GAD1: variants seen among roughly 807,000 people sequenced by gnomAD.
GAD1 encodes 67 kDa glutamic acid decarboxylase.
GAD1 carries 35 observed loss-of-function variants against 75.2 expected under a neutral mutation model. That is an observed-to-expected ratio of 0.47 (90% CI 0.36 to 0.62). GAD1 has a LOEUF of 0.62. GAD1 is among the 20% of genes least tolerant of loss of function. GAD1 has a pLI of 0.00. For missense variants in GAD1, 490 were observed against 758.5 expected, an observed-to-expected ratio of 0.65 and a Z score of 4.16; for synonymous variants, 257 against 271.9, an observed-to-expected ratio of 0.95 and a Z score of 0.54.
intron 3 of GAD1, among the ~76,000 whole-genome samples, chr2:170,828,110 C>CA (rs71008726): frequency 7.1e-6 from 1 of 139,954 alleles, no homozygotes; most frequent in African/African-American, 2.7e-5. Context: ...CTGCTGTCCT[C>CA]CCTCTGCTGT....
At chr2:170,832,346 T>C (rs1392509753) in intron 5 of GAD1, among the ~76,000 whole-genome samples, 2 of 152,188 alleles carry the variant, frequency 1.3e-5, no homozygotes, top group Non-Finnish European at 2.9e-5. Context: ...TGTTGGCTTG[T>C]AGATGCATCG....
chr2:170,850,762 C>A (rs757678570), intron 12 of GAD1, among the ~76,000 whole-genome samples: 7 of 152,218 alleles, frequency 4.6e-5, no homozygotes, highest in Non-Finnish European at 8.8e-5. Flanking sequence ...GCCTGTAATC[C>A]CAGCACTTTG....
rs144316960 is a variant in GAD1 at position 170,842,198 on chromosome 2, C to T, written c.639-1847C>T. ...TCTGAAGCATGGAGTGGGACCTATG[C>T]CTGATATTCAGTCCCATTCCCTCTC... is the stretch of plus-strand genomic sequence containing the variant. On this transcript the variant is annotated intron_variant, in intron 6 of 16. Coordinates refer to ENST00000358196, the MANE Select transcript of GAD1 (RefSeq NM_000817.3). Among the ~76,000 whole-genome samples the T allele has an allele frequency of 9.8e-4, 149 of 152,268 alleles. 1 individual carries two copies. Among genetic ancestry groups the T allele is most frequent in the Admixed American group, 3.6e-3 (55 of 15,284 alleles).
chr2:170,820,477 C>T (rs1701844556), intron 2 of GAD1, among the ~76,000 whole-genome samples: 1 of 152,256 alleles, frequency 6.6e-6, no homozygotes, highest in Admixed American at 6.5e-5. Context: ...GGCGCTCTAT[C>T]CACTCTCACC....
chr2:170,829,875 C>T (rs1360659113), intron 4 of GAD1: 8 of 512,954 alleles, frequency 1.6e-5, no homozygotes, highest in Non-Finnish European at 2.1e-5. Context: ...TAAAGACACT[C>T]GAGGGAACAA....
chr2:170,837,212 CT>C (rs1702399251), intron 6 of GAD1, among the ~76,000 whole-genome samples: 1 of 152,044 alleles, frequency 6.6e-6, no homozygotes, highest in Admixed American at 6.6e-5. Context: ...TTGGTTTTAC[CT>C]TTTTCCACCC....
intron 2 of GAD1, chr2:170,821,798 G>A: frequency 2.1e-6 from 1 of 480,806 alleles, no homozygotes; most frequent in Non-Finnish European, 3.8e-6. Context: ...CCCACCTCCG[G>A]AGCTGCCGGG....
Position 170,845,702 on chromosome 2 carries a change from G to C in GAD1, c.868-4G>C, listed in dbSNP as rs768919266. ...TTCTAACCTCGAGCCTCTGTTTGTTGCAGAGTCACTATTCCATAAAGAAAG... is the reference window on the plus strand; with the variant it reads ...TTCTAACCTCGAGCCTCTGTTTGTTCCAGAGTCACTATTCCATAAAGAAAG... On this transcript the variant is annotated splice_region_variant and splice_polypyrimidine_tract_variant and intron_variant, in intron 8 of 16. Transcript: ENST00000358196. 1 of 1,613,962 alleles carries C rather than the reference G, an allele frequency of 6.2e-7. No homozygotes were observed. Among genetic ancestry groups the C allele is most frequent in the African/African-American group, 1.3e-5 (1 of 74,932 alleles).
rs187401242 is a variant in GAD1, at chr2:170,856,112, C to T, written c.1414-906C>T. ...GACTAGGGTGTACAGTCAGCAGTGA[C>T]ACTACCTGGGGAGGCTGATGCTTTC... On this transcript the variant is annotated intron_variant, in intron 14 of 16. Transcript: ENST00000358196. Among the ~76,000 whole-genome samples the T allele has an allele frequency of 3.9e-5, 6 of 152,280 alleles. No homozygotes were observed. In the East Asian group the frequency reaches 1.2e-3, roughly 29 times the overall value.
chr2:170,856,787 T>C (rs1702862969), intron 14 of GAD1, among the ~76,000 whole-genome samples: 1 of 152,146 alleles, frequency 6.6e-6, no homozygotes, highest in Non-Finnish European at 1.5e-5. Context: ...ATAGGTCCAG[T>C]TGAGAATAAC....
At position 170,860,009 on chromosome 2, in the gene GAD1, T is replaced by C. The variant is rs1702928591; in HGVS notation, c.*127T>C. 16 of 910,548 alleles carry C rather than the reference T, an allele frequency of 1.8e-5. No homozygotes were observed. In the East Asian group the frequency reaches 4.2e-4, roughly 24 times the overall value. The allele number at this position is 910,548 out of a possible 1,614,324, so 56.4% of individuals were successfully genotyped here. A position where few individuals can be genotyped will look rare whatever the true frequency, so the allele number is the denominator to read the frequency against. ...GGAAAACATAATATCTTGAAGAATA[T>C]TGTTAAAACCTTACTTAAAGCTTGT... is the stretch of plus-strand genomic sequence containing the variant. On this transcript the variant is annotated 3_prime_UTR_variant, in exon 17 of 17. Transcript: ENST00000358196.
At chr2:170,858,059 C>T (rs189144320) in intron 15 of GAD1, among the ~76,000 whole-genome samples, 5 of 152,100 alleles carry the variant, frequency 3.3e-5, no homozygotes, top group Admixed American at 1.3e-4. Flanking sequence ...AAAAAAGAGC[C>T]CTGGGCAGTT....
intron 3 of GAD1, among the ~76,000 whole-genome samples, chr2:170,822,581 T>C (rs1701917957): frequency 6.6e-6 from 1 of 152,220 alleles, no homozygotes; most frequent in South Asian, 2.1e-4. Context: ...AGGCGGTGTA[T>C]CTGCCTAAAG....
chr2:170,843,471 A>G (rs1702563261), intron 6 of GAD1, among the ~76,000 whole-genome samples: 1 of 152,238 alleles, frequency 6.6e-6, no homozygotes, highest in South Asian at 2.1e-4. Context: ...CAGAAAAACC[A>G]TGTAGATAAT....
At position 170,845,552 on chromosome 2, in the gene GAD1, G is replaced by A; in HGVS notation, c.798G>A (p.Lys266=). Residue 266 remains lysine (K), a synonymous_variant, in exon 8 of 17, where the codon AAG becomes AAA. Transcript: ENST00000358196. ...ACAGCATCATGGCTGCTCGCTACAAGTACTTCCCGGAAGTTAAGACAAAGG... is the reference window on the plus strand; with the variant it reads ...ACAGCATCATGGCTGCTCGCTACAAATACTTCCCGGAAGTTAAGACAAAGG... ...NMYSIMAARY[K]YFPEVKTKGM... 6.2e-7 allele frequency: 1 copy of A among 1,614,144 alleles called. No individual in the cohort carries two copies. Among genetic ancestry groups the A allele is most frequent in the Non-Finnish European group, 8.5e-7 (1 of 1,180,034 alleles).
intron 6 of GAD1, chr2:170,843,835 C>T (rs928717934): frequency 3.5e-6 from 2 of 567,314 alleles, no homozygotes; most frequent in African/African-American, 3.8e-5. Flanking sequence ...AGGGCTGGCA[C>T]TTCCACCACC....
At chr2:170,842,026 C>T (rs540239287) in intron 6 of GAD1, among the ~76,000 whole-genome samples, 1 of 152,294 alleles carries the variant, frequency 6.6e-6, no homozygotes, top group East Asian at 1.9e-4. Context: ...AGGTACCTGG[C>T]ATAGATAAGG....
At chr2:170,817,435 A>G (rs1701736956) in intron 1 of GAD1, 1 of 152,278 alleles carries the variant, frequency 6.6e-6, no homozygotes, top group African/African-American at 2.4e-5. Context: ...TTACTTTTCC[A>G]GGGGCCGTAG....
At chr2:170,822,223 C>G in intron 3 of GAD1, 74 bp downstream of exon 3, 1 of 1,265,982 alleles carries the variant, frequency 7.9e-7, no homozygotes, top group Non-Finnish European at 1.1e-6. Flanking sequence ...GAGACTGGGA[C>G]GCAAGCGGAG....
Sources: allele counts gnomAD v4.1 joint callset (sites outside exome capture counted in the v4.1 genomes callset), GRCh38; gene constraint gnomAD v4.1.1; transcripts MANE v1.5; gene names NCBI Gene and HGNC (gene_info 2026-07-23, HGNC 2026-07-21).